The following CLDN5 variants were observed in gnomAD, a reference collection of about 807,000 sequenced individuals.
The protein encoded by CLDN5 is claudin 5, also known as claudin-5.
CLDN5 carries 4 observed loss-of-function variants against 1.3 expected under a neutral mutation model. That is an observed-to-expected ratio of 3.07 (90% CI 1.51 to 7.03). CLDN5 has a LOEUF of 7.03. Ranked by LOEUF, CLDN5 falls within the 30% of genes most tolerant of loss-of-function variation. The pLI is 0.00. For synonymous variants in CLDN5, 156 were observed against 152.3 expected (o/e 1.02, Z -0.18); for missense variants, 225 against 303.5 (o/e 0.74, Z 1.92).
upstream of CLDN5, chr22:19,524,472 GC>G: frequency 1.1e-5 from 16 of 1,432,198 alleles, no homozygotes; most frequent in Middle Eastern, 4.0e-4. Flanking sequence ...CCCGGGCCCG[GC>G]CCCCCGGCCC....
chr22:19,524,828 G>T (rs924709086), upstream of CLDN5: 37 of 1,181,184 alleles, frequency 3.1e-5, no homozygotes, highest in Admixed American at 4.6e-5. Flanking sequence ...ACCAAGGTTT[G>T]CAGAAGCCCC....
Position 19,524,289 on chromosome 22 carries a change from AG to A in CLDN5, c.-35del, listed in dbSNP as rs1210415495. On this transcript the variant is annotated 5_prime_UTR_variant, in exon 1 of 1. Coordinates refer to ENST00000618236, the MANE Select transcript of CLDN5 (RefSeq NM_001363066.2). The stretch of plus-strand genomic sequence containing the variant: ...GCGAGACGCGCACCCGAAGGCCCGC[AG>A]AACCCCCAAGGCCGTGCTGCGCGGC... The A allele has an allele frequency of 2.6e-6, 4 of 1,546,894 alleles. No homozygotes were observed. The highest frequency in any genetic ancestry group is 3.5e-6 in the Non-Finnish European group (4 of 1,146,410).
rs1369814281 is a variant in CLDN5 at position 19,524,307 on chromosome 22, C to T, written c.-52G>A. On this transcript the variant is annotated 5_prime_UTR_variant, in exon 1 of 1. Transcript: ENST00000618236. ...GGCCCGCAGAACCCCCAAGGCCGTGCTGCGCGGCGCCCTGGGCGGGCCCTG... is the reference window on the plus strand; with the variant it reads ...GGCCCGCAGAACCCCCAAGGCCGTGTTGCGCGGCGCCCTGGGCGGGCCCTG... 3 of 1,525,196 alleles carry T rather than the reference C, an allele frequency of 2.0e-6. No individual in the cohort carries two copies. The highest frequency in any genetic ancestry group is 2.1e-5 in the Admixed American group (1 of 47,452). The allele number at this position is 1,525,196 out of a possible 1,614,324, so 94.5% of individuals were successfully genotyped here. A position where few individuals can be genotyped will look rare whatever the true frequency, so the allele number is the denominator to read the frequency against.
chr22:19,524,795 C>G, upstream of CLDN5: 1 of 1,224,022 alleles, frequency 8.2e-7, no homozygotes, highest in Non-Finnish European at 1.0e-6. Context: ...GTCTCTTCCA[C>G]TCGAGCCAGC....
At chr22:19,524,704 C>T (rs1934193888), upstream of CLDN5, 6 of 1,301,534 alleles carry the variant, frequency 4.6e-6, no homozygotes, top group Non-Finnish European at 2.0e-6. Flanking sequence ...CCTGCGCGTC[C>T]CGGCCCCGTC....
chr22:19,524,923 C>T (rs1188663461), upstream of CLDN5: 3 of 1,039,858 alleles, frequency 2.9e-6, no homozygotes, highest in Non-Finnish European at 3.5e-6. Context: ...CAGGCCCTTT[C>T]TCGCACTCTC....
chr22:19,523,929 G>A lies in CLDN5; in HGVS notation c.327C>T (p.Ala109=). The change falls in exon 1 of 1, where the codon GCC becomes GCT. Residue 109 remains alanine (A), a synonymous_variant. Transcript: ENST00000618236. ...LAGAQCTTCV[A]PGPAKARVAL... is the part of the protein sequence containing the mutation. ...CCACACGCGCCTTGGCCGGGCCCGG[G>A]GCCACGCAGGTGGTGCACTGCGCGC... 1.3e-6 allele frequency: 2 copies of A among 1,596,058 alleles called. No homozygotes were observed. Among genetic ancestry groups the A allele is most frequent in the Non-Finnish European group, 1.7e-6 (2 of 1,175,328 alleles).
upstream of CLDN5, chr22:19,524,461 C>A: frequency 7.0e-7 from 1 of 1,431,720 alleles, no homozygotes; most frequent in Non-Finnish European, 9.1e-7. Flanking sequence ...GGATTCTGTC[C>A]CCCGGGCCCG....
chr22:19,523,729 A>G lies in CLDN5; in HGVS notation c.527T>C (p.Val176Ala), dbSNP rs773537969. 3 of 1,606,594 alleles carry G rather than the reference A, an allele frequency of 1.9e-6. No individual in the cohort carries two copies. The South Asian group carries it at 3.3e-5, about 18-fold the overall frequency. The stretch of plus-strand genomic sequence containing the variant: ...GCCGCAGCACAAGAGGCAGCCGCCT[A>G]CCATGAGCAGCGCGGTGGCCGCCCA... ...IGWAATALLM[V>A]GGCLLCCGAW... Residue 176 changes from valine (V) to alanine (A), a missense_variant, in exon 1 of 1, where the codon GTA becomes GCA. Physicochemically the swap from Val to Ala is moderately conservative, Grantham distance 64. Coordinates refer to ENST00000618236, the MANE Select transcript of CLDN5 (RefSeq NM_001363066.2).
chr22:19,525,098 G>T (rs1934201419), upstream of CLDN5: 1 of 1,000,752 alleles, frequency 1.0e-6, no homozygotes, highest in Non-Finnish European at 1.2e-6. Context: ...GGTGGCACAG[G>T]GGCTTTCCCC....
chr22:19,525,180 C>T (rs1171452371), upstream of CLDN5: 8 of 1,000,504 alleles, frequency 8.0e-6, no homozygotes, highest in Admixed American at 6.1e-5. Flanking sequence ...GGGGCTGCTC[C>T]TCTTCCTGCG....
rs1306515397 is a variant in CLDN5 at position 19,523,809 on chromosome 22, G to T, written c.447C>A (p.Asp149Glu). The change falls in exon 1 of 1, where the codon GAC becomes GAA. Residue 149 changes from aspartate (D) to glutamate (E), a missense_variant. Asp to Glu is a conservative substitution (Grantham distance 45). This residue lies in a region of CLDN5 where 165 missense variants were observed against 211.9 expected (regional missense o/e 0.78). Coordinates refer to ENST00000618236, the MANE Select transcript of CLDN5 (RefSeq NM_001363066.2). Reference sequence around the variant, plus strand: ...ACTTCTGCGACACGGGCACAGACGGGTCGTAAAACTCGCGGACGACAATGT... The same window carrying T: ...ACTTCTGCGACACGGGCACAGACGGTTCGTAAAACTCGCGGACGACAATGT... ...FANIVVREFY[D>E]PSVPVSQKYE... The T allele has an allele frequency of 1.2e-6, 2 of 1,608,254 alleles. No individual in the cohort carries two copies. The highest frequency in any genetic ancestry group is 1.7e-6 in the Non-Finnish European group (2 of 1,178,044).
rs764998943 is a variant in CLDN5, at chr22:19,523,626, G to A, written c.630C>T (p.Gly210=). The A allele has an allele frequency of 6.3e-7, 1 of 1,598,274 alleles. No homozygotes were observed. The highest frequency in any genetic ancestry group is 1.1e-5 in the South Asian group (1 of 90,756). The part of the protein sequence containing the change: ...YSAPRRPTAT[G]DYDKKNYV ...AGACGTAGTTCTTCTTGTCGTAGTC[G>A]CCGGTGGCCGTGGGCCGCCGCGGCG... The change falls in exon 1 of 1, where the codon GGC becomes GGT. Residue 210 remains glycine, a synonymous_variant. Coordinates refer to ENST00000618236, the MANE Select transcript of CLDN5 (RefSeq NM_001363066.2).
At chr22:19,524,555 A>T (rs182598352), upstream of CLDN5, 268 of 1,385,908 alleles carry the variant, frequency 1.9e-4, 2 homozygotes, top group Admixed American at 4.5e-3. Context: ...GAAGTTAGGG[A>T]AACAACGGCT....
Position 19,524,215 on chromosome 22 carries a change from C to G in CLDN5, c.41G>C (p.Cys14Ser). ...GATCAGACCCCCCCAGCCCACCAGG[C>G]ACAGCACCAGGCCCAGGATCTCCAA... The part of the protein sequence containing the change: ...AALEILGLVL[C>S]LVGWGGLILA... The change falls in exon 1 of 1, where the codon TGC (cysteine) becomes TCC (serine). Residue 14 changes from cysteine to serine, a missense_variant. By Grantham distance (112) the Cys-to-Ser change is moderately radical. Transcript: ENST00000618236. 6.2e-7 allele frequency: 1 copy of G among 1,601,022 alleles called. No individual in the cohort carries two copies.
rs1459746986 is a variant in CLDN5, at chr22:19,524,347, G to A, written c.-92C>T. 3.4e-6 allele frequency: 5 copies of A among 1,483,734 alleles called. No individual in the cohort carries two copies. The highest frequency in any genetic ancestry group is 4.5e-6 in the Non-Finnish European group (5 of 1,115,992). 91.9% of individuals were successfully genotyped at this position (1,483,734 alleles called of 1,614,324 possible). A position where few individuals can be genotyped will look rare whatever the true frequency, so the allele number is the denominator to read the frequency against. On this transcript the variant is annotated 5_prime_UTR_variant, in exon 1 of 1. Transcript: ENST00000618236. Reference sequence around the variant, plus strand: ...GGCGGGCCCTGGTGCCTTTGCGCCCGCGCTCCCGGCTCTTGGCCCCAGTCC... The same window carrying A: ...GGCGGGCCCTGGTGCCTTTGCGCCCACGCTCCCGGCTCTTGGCCCCAGTCC...
Position 19,523,288 on chromosome 22 carries a change from C to T in CLDN5, c.*311G>A. 2.8e-6 allele frequency: 1 copy of T among 358,620 alleles called. No individual in the cohort carries two copies. The highest frequency in any genetic ancestry group is 5.0e-6 in the Non-Finnish European group (1 of 199,834). The allele number at this position is 358,620 out of a possible 1,614,324, so 22.2% of individuals were successfully genotyped here. A position where few individuals can be genotyped will look rare whatever the true frequency, so the allele number is the denominator to read the frequency against. On this transcript the variant is annotated 3_prime_UTR_variant, in exon 1 of 1. Transcript: ENST00000618236. ...GGAAGTAAGGCAGCAGCCAAGACCC[C>T]CAGCGTCTTGGAGGGGAAGCGAAAT...
At chr22:19,524,619 G>A (rs915831904), upstream of CLDN5, 9 of 1,320,944 alleles carry the variant, frequency 6.8e-6, no homozygotes, top group Non-Finnish European at 6.8e-6. Flanking sequence ...GCCGCCCCCA[G>A]CCCCACCCGC....
At chr22:19,524,834 G>A (rs934756206), upstream of CLDN5, 1 of 1,171,356 alleles carries the variant, frequency 8.5e-7, no homozygotes, top group East Asian at 4.1e-5. Context: ...GTTTGCAGAA[G>A]CCCCCCACCC....
Sources: gnomAD v4.1 joint callset for allele counts on GRCh38, gnomAD v4.1.1 for gene constraint, gnomAD v4.1.1 regional missense constraint, MANE v1.5 for transcripts, NCBI Gene and HGNC (gene_info 2026-07-23, HGNC 2026-07-21) for gene names.